Variants in DCBLD2 observed in about 807,000 individuals in gnomAD.
The protein encoded by DCBLD2 is discoidin, CUB and LCCL domain-containing protein 2.
In DCBLD2, 54 loss-of-function variants were observed where a neutral mutation model predicts 86.8. That is an observed-to-expected ratio of 0.62 (90% CI 0.50 to 0.78). DCBLD2 has a LOEUF of 0.78. Among genes scored for constraint, DCBLD2 ranks in the 30% least tolerant of loss-of-function variants. The pLI, the probability that DCBLD2 is intolerant of heterozygous loss-of-function variation, is 0.00. For missense variants in DCBLD2, 908 were observed against 954.2 expected, an observed-to-expected ratio of 0.95 and a Z score of 0.64; for synonymous variants, 354 against 341.3, an observed-to-expected ratio of 1.04 and a Z score of -0.41.
At chr3:98,826,193 A>G (rs538835631) in intron 3 of DCBLD2, among the ~76,000 whole-genome samples, 1 of 152,272 alleles carries the variant, frequency 6.6e-6, no homozygotes, top group South Asian at 2.1e-4. Flanking sequence ...ACAAAACAAA[A>G]CACACCATTT....
intron 3 of DCBLD2, among the ~76,000 whole-genome samples, chr3:98,827,336 T>C (rs1398732161): frequency 6.6e-6 from 1 of 152,192 alleles, no homozygotes; most frequent in Non-Finnish European, 1.5e-5. Context: ...AGATTAGAAG[T>C]TGAATTTCTA....
intron 3 of DCBLD2, among the ~76,000 whole-genome samples, chr3:98,844,347 T>TTATTATTATTATTA (rs1942681218): frequency 2.0e-5 from 3 of 149,024 alleles, no homozygotes; most frequent in Admixed American, 1.3e-4. Flanking sequence ...GTAGCATTTA[T>TTATTATTATTATTA]TATTATTATT....
Position 98,881,733 on chromosome 3 carries a change from C to T in DCBLD2, c.240G>A (p.Glu80=). 1 of 1,613,838 alleles carries T rather than the reference C, an allele frequency of 6.2e-7. No homozygotes were observed. Among genetic ancestry groups the T allele is most frequent in the Non-Finnish European group, 8.5e-7 (1 of 1,179,832 alleles). Residue 80 remains glutamate (E), a synonymous_variant, in exon 2 of 16, where the codon GAG becomes GAA. Coordinates refer to ENST00000326840, the MANE Select transcript of DCBLD2 (RefSeq NM_080927.4). ...DGCGHTVLGP[E]SGTLTSINYP... ...AGTTTATGGATGTAAGGGTTCCACTCTCAGGGCCTAGTACAGTGTGTCCAC... is the reference window on the plus strand; with the variant it reads ...AGTTTATGGATGTAAGGGTTCCACTTTCAGGGCCTAGTACAGTGTGTCCAC...
chr3:98,799,863 A>C (rs1941685451), intron 15 of DCBLD2, 22 bp from the exon 16 acceptor site: 1 of 1,562,994 alleles, frequency 6.4e-7, no homozygotes, highest in East Asian at 2.3e-5. Context: ...ACAAAACAAC[A>C]GAAAAGTCAT....
chr3:98,844,373 T>A (rs867666659), intron 3 of DCBLD2, among the ~76,000 whole-genome samples: 1 of 72,510 alleles, frequency 1.4e-5, no homozygotes. Context: ...TATTATTATT[T>A]TGGGATAGAG....
chr3:98,895,073 G>A (rs1031985071), intron 1 of DCBLD2, among the ~76,000 whole-genome samples: 1 of 151,896 alleles, frequency 6.6e-6, no homozygotes, highest in African/African-American at 2.4e-5. Context: ...TATATGAAGA[G>A]GTTAGTATAG....
At chr3:98,892,219 G>A (rs1473941832) in intron 1 of DCBLD2, among the ~76,000 whole-genome samples, 1 of 152,104 alleles carries the variant, frequency 6.6e-6, no homozygotes, top group Non-Finnish European at 1.5e-5. Flanking sequence ...TGGTGAGGAT[G>A]CAACTACCTC....
In DCBLD2 at chr3:98,822,692, T is replaced by C. The variant is rs1180241038; in HGVS notation, c.673A>G (p.Thr225Ala). The change falls in exon 5 of 16, where the codon ACA (threonine) becomes GCA (alanine). Residue 225 changes from threonine to alanine, a missense_variant. Around this residue, in one of 3 missense-constraint regions of DCBLD2, gnomAD observed 606 missense variants for 678.5 expected, o/e 0.89. Coordinates refer to ENST00000326840, the MANE Select transcript of DCBLD2 (RefSeq NM_080927.4). ...CLLPFAEISG[T>A]IPHGYRDSSP... Reference sequence around the variant, plus strand: ...ACATCTCTATATCCATGAGGAATTGTTCCAGATATCTCAGCAAAAGGAAGC... The same window carrying C: ...ACATCTCTATATCCATGAGGAATTGCTCCAGATATCTCAGCAAAAGGAAGC... 2.5e-6 allele frequency: 4 copies of C among 1,595,474 alleles called. No homozygotes were observed. Among genetic ancestry groups the C allele is most frequent in the South Asian group, 2.3e-5 (2 of 87,292 alleles).
At chr3:98,825,482 C>A in intron 3 of DCBLD2, 116 bp from the exon 4 acceptor site, 1 of 757,570 alleles carries the variant, frequency 1.3e-6, no homozygotes, top group Non-Finnish European at 2.1e-6. Context: ...ATCTCAATGG[C>A]ACTGTCAAAG....
At chr3:98,897,859 T>C (rs1270933767) in intron 1 of DCBLD2, among the ~76,000 whole-genome samples, 4 of 152,202 alleles carry the variant, frequency 2.6e-5, no homozygotes, top group African/African-American at 9.6e-5. Flanking sequence ...AGGATACAAA[T>C]GAGGAAGCTG....
intron 13 of DCBLD2, among the ~76,000 whole-genome samples, chr3:98,806,643 C>T (rs1941844932): frequency 6.6e-6 from 1 of 152,054 alleles, no homozygotes; most frequent in Admixed American, 6.6e-5. Flanking sequence ...CACTGGAATC[C>T]CCAGCACATG....
intron 2 of DCBLD2, among the ~76,000 whole-genome samples, chr3:98,875,141 G>T (rs1176413277): frequency 6.6e-6 from 1 of 152,184 alleles, no homozygotes; most frequent in Non-Finnish European, 1.5e-5. Context: ...TCTATCTGCA[G>T]ATGTGATTGT....
intron 2 of DCBLD2, among the ~76,000 whole-genome samples, chr3:98,880,140 T>G (rs1943439923): frequency 6.6e-6 from 1 of 152,144 alleles, no homozygotes; most frequent in Admixed American, 6.5e-5. Context: ...AAGAAGTGAC[T>G]GAGAAGCACC....
chr3:98,818,545 G>T (rs184000876), intron 8 of DCBLD2, among the ~76,000 whole-genome samples: 1 of 152,178 alleles, frequency 6.6e-6, no homozygotes. Context: ...AGGATGAAAA[G>T]TATTGTTCCC....
At chr3:98,800,853 C>CTTT (rs11374885) in intron 14 of DCBLD2, 137 bp from the exon 15 acceptor site, 996 of 841,770 alleles carry the variant, frequency 1.2e-3, no homozygotes, top group Non-Finnish European at 1.4e-3. Context: ...TATAATCCAA[C>CTTT]TTTTTTTTTT....
chr3:98,799,344 C>A lies in DCBLD2; in HGVS notation c.*28G>T, dbSNP rs764418623. On this transcript the variant is annotated 3_prime_UTR_variant, in exon 16 of 16. Coordinates refer to ENST00000326840, the MANE Select transcript of DCBLD2 (RefSeq NM_080927.4). ...AAAAAAAAGGCCATGTGCTTTAAAA[C>A]GATGCTTTGTAAAAAGCAGCATCAT... The A allele has an allele frequency of 4.5e-6, 7 of 1,551,806 alleles. No homozygotes were observed. In the East Asian group the frequency reaches 6.8e-5, roughly 15 times the overall value.
At chr3:98,836,608 G>C (rs1281358243) in intron 3 of DCBLD2, among the ~76,000 whole-genome samples, 2 of 146,056 alleles carry the variant, frequency 1.4e-5, no homozygotes, top group African/African-American at 2.5e-5. Context: ...GAGCTGTTGG[G>C]CACACCTCCC....
At chr3:98,847,522 G>A (rs139950779) in intron 3 of DCBLD2, among the ~76,000 whole-genome samples, 1 of 152,230 alleles carries the variant, frequency 6.6e-6, no homozygotes, top group East Asian at 1.9e-4. Flanking sequence ...CTAAGGAAAG[G>A]CAGGTTCCTC....
intron 2 of DCBLD2, among the ~76,000 whole-genome samples, chr3:98,854,894 A>G (rs1942904359): frequency 6.6e-6 from 1 of 152,222 alleles, no homozygotes; most frequent in South Asian, 2.1e-4. Context: ...CAAATCCAAT[A>G]AGGCTTTAAG....
Sources: allele counts gnomAD v4.1 joint callset (sites outside exome capture counted in the v4.1 genomes callset), GRCh38; gene constraint gnomAD v4.1.1; regional missense constraint gnomAD v4.1.1; transcripts MANE v1.5; gene names NCBI Gene and HGNC (gene_info 2026-07-23, HGNC 2026-07-21).